OSER1: variants seen among roughly 807,000 people sequenced by gnomAD.
The protein encoded by OSER1 is oxidative stress responsive serine rich 1.
OSER1 carries 15 observed loss-of-function variants against 26.3 expected under a neutral mutation model. The observed-to-expected ratio is 0.57, with a 90% CI of 0.38 to 0.88. OSER1 has a LOEUF of 0.88. Among genes scored for constraint, OSER1 ranks in the 40% least tolerant of loss-of-function variants. OSER1 has a pLI of 0.00. For missense variants in OSER1, 313 were observed against 353.9 expected, an observed-to-expected ratio of 0.88 and a Z score of 0.93; for synonymous variants, 127 against 128.2, an observed-to-expected ratio of 0.99 and a Z score of 0.07.
At chr20:44,203,707 C>CACAA (rs2073009370) in intron 2 of OSER1, among the ~76,000 whole-genome samples, 4 of 150,578 alleles carry the variant, frequency 2.7e-5, no homozygotes, top group Non-Finnish European at 5.9e-5. Flanking sequence ...CACACACACA[C>CACAA]ACACACACAC....
At chr20:44,201,692 A>C (rs997550380) in intron 3 of OSER1, among the ~76,000 whole-genome samples, 1 of 152,230 alleles carries the variant, frequency 6.6e-6, no homozygotes, top group Non-Finnish European at 1.5e-5. Context: ...GTTTCTAAGG[A>C]GAAGGGCTAA....
At chr20:44,204,000 A>C (rs2073014442) in intron 2 of OSER1, among the ~76,000 whole-genome samples, 1 of 152,210 alleles carries the variant, frequency 6.6e-6, no homozygotes, top group Admixed American at 6.5e-5. Context: ...ATGGTTAAAC[A>C]CCTATACATA....
chr20:44,201,480 G>T (rs2145925779), intron 3 of OSER1, among the ~76,000 whole-genome samples: 1 of 152,288 alleles, frequency 6.6e-6, no homozygotes, highest in East Asian at 1.9e-4. Context: ...CTTCACTAAA[G>T]AAACTACTTT....
chr20:44,201,048 C>T (rs1384367627), intron 3 of OSER1, among the ~76,000 whole-genome samples: 1 of 151,624 alleles, frequency 6.6e-6, no homozygotes, highest in Non-Finnish European at 1.5e-5. Flanking sequence ...TCTTCTGTAT[C>T]CACGGATTCT....
At chr20:44,210,527 G>C (rs1198866117) in intron 1 of OSER1, among the ~76,000 whole-genome samples, 169 bp downstream of exon 1, 1 of 152,176 alleles carries the variant, frequency 6.6e-6, no homozygotes, top group Non-Finnish European at 1.5e-5. Context: ...GGCACAGGCC[G>C]CGGCAGATAA....
intron 3 of OSER1, among the ~76,000 whole-genome samples, chr20:44,199,867 T>C (rs1029435187): frequency 6.6e-5 from 10 of 152,216 alleles, no homozygotes; most frequent in African/African-American, 2.4e-4. Flanking sequence ...ACATATCCCC[T>C]ATGGATAAGA....
chr20:44,203,694 T>TAACACACACA lies in OSER1; in HGVS notation c.78-621_78-620insTGTGTGTGTT, dbSNP rs1555866748. Reference sequence around the variant, plus strand: ...TGGTGGAAATCCTTCCAGACTTTTTTCACACACACACACACACACACACAC... The same window carrying TAACACACACA: ...TGGTGGAAATCCTTCCAGACTTTTTTAACACACACACACACACACACACACACACACACAC... On this transcript the variant is annotated intron_variant, in intron 2 of 3. Coordinates refer to ENST00000255174, the MANE Select transcript of OSER1 (RefSeq NM_016470.8). 8.5e-3 allele frequency among the ~76,000 whole-genome samples: 1,229 copies of TAACACACACA among 145,438 alleles called. 19 individuals are homozygous for TAACACACACA. Among genetic ancestry groups the TAACACACACA allele is most frequent in the African/African-American group, 0.022 (866 of 39,200 alleles).
intron 2 of OSER1, among the ~76,000 whole-genome samples, chr20:44,203,459 C>T (rs1027660572): frequency 1.6e-4 from 24 of 152,330 alleles, no homozygotes; most frequent in African/African-American, 5.8e-4. Flanking sequence ...TAACTTAACA[C>T]TGAATACATT....
chr20:44,203,168 A>G, intron 2 of OSER1, 94 bp from the exon 3 acceptor site: 1 of 590,116 alleles, frequency 1.7e-6, no homozygotes, highest in Non-Finnish European at 3.0e-6. Flanking sequence ...TTATCAATAC[A>G]TTTTTTTTTC....
At chr20:44,202,125 T>C (rs750265379) in intron 3 of OSER1, among the ~76,000 whole-genome samples, 2 of 152,174 alleles carry the variant, frequency 1.3e-5, no homozygotes, top group Non-Finnish European at 2.9e-5. Flanking sequence ...CCTGTAATCC[T>C]AGCACTTTGG....
chr20:44,211,746 G>C (rs761866210), upstream of OSER1, among the ~76,000 whole-genome samples: 5 of 152,172 alleles, frequency 3.3e-5, no homozygotes, highest in African/African-American at 9.7e-5. Flanking sequence ...CCATCACCAG[G>C]ACTGGTTCTG....
In OSER1 at chr20:44,196,185, G is replaced by C. The variant is rs953108044; in HGVS notation, c.*867C>G. 6.7e-6 allele frequency among the ~76,000 whole-genome samples: 1 copy of C among 150,264 alleles called. No individual in the cohort carries two copies. Among genetic ancestry groups the C allele is most frequent in the Non-Finnish European group, 1.5e-5 (1 of 67,770 alleles). Reference sequence around the variant, plus strand: ...TGGCTGACCAAATCTGTGGGATACAGAATGTACAAAATTCTCTTTTAGGGT... The same window carrying C: ...TGGCTGACCAAATCTGTGGGATACACAATGTACAAAATTCTCTTTTAGGGT... On this transcript the variant is annotated 3_prime_UTR_variant, in exon 4 of 4. Transcript: ENST00000255174.
In OSER1 at chr20:44,208,108, G is replaced by GC. The variant is rs71959463; in HGVS notation, c.-41-1111dup. Among the ~76,000 whole-genome samples the GC allele has an allele frequency of 8.8e-3, 865 of 97,858 alleles. 4 individuals carry two copies. The highest frequency in any genetic ancestry group is 0.018 in the Middle Eastern group (4 of 218). 64.2% of individuals were successfully genotyped at this position (97,858 alleles called of 152,430 possible). A position where few individuals can be genotyped will look rare whatever the true frequency, so the allele number is the denominator to read the frequency against. On this transcript the variant is annotated intron_variant, in intron 1 of 3. Coordinates refer to ENST00000255174, the MANE Select transcript of OSER1 (RefSeq NM_016470.8). ...CCTCTTTATTTCTAAGCCTTTACCC[G>GC]CCCCCCCCCGCCCCCACCCCTCTTG... is the stretch of plus-strand genomic sequence containing the variant.
intron 3 of OSER1, among the ~76,000 whole-genome samples, chr20:44,201,310 A>T (rs2072979480): frequency 6.6e-6 from 1 of 152,166 alleles, no homozygotes. Flanking sequence ...TTTGGTATTG[A>T]GAGGGGCGTG....
chr20:44,204,488 T>C (rs543002392), intron 2 of OSER1, among the ~76,000 whole-genome samples: 5 of 151,700 alleles, frequency 3.3e-5, no homozygotes, highest in Non-Finnish European at 7.3e-5. Context: ...AATATAATTT[T>C]ACTCAAGGCA....
chr20:44,205,583 G>A (rs2073029458), intron 2 of OSER1, among the ~76,000 whole-genome samples: 1 of 152,138 alleles, frequency 6.6e-6, no homozygotes, highest in African/African-American at 2.4e-5. Context: ...TTTTCACTTT[G>A]TGCTAGGTAC....
In OSER1 at chr20:44,206,973, A is replaced by C; in HGVS notation, c.-16T>G. 2 of 1,591,048 alleles carry C rather than the reference A, an allele frequency of 1.3e-6. No individual in the cohort carries two copies. Among genetic ancestry groups the C allele is most frequent in the Non-Finnish European group, 1.7e-6 (2 of 1,159,886 alleles). ...CGGATTTCATTGTGCAAGTTTTTAC[A>C]CTACTTATCGATGTTCCTGTTTACA... On this transcript the variant is annotated 5_prime_UTR_variant, in exon 2 of 4. Coordinates refer to ENST00000255174, the MANE Select transcript of OSER1 (RefSeq NM_016470.8).
chr20:44,196,243 C>A lies in OSER1; in HGVS notation c.*809G>T, dbSNP rs866173146. 8.6e-4 allele frequency among the ~76,000 whole-genome samples: 128 copies of A among 148,318 alleles called. No individual in the cohort carries two copies. The highest frequency in any genetic ancestry group is 3.0e-3 in the African/African-American group (120 of 40,248). On this transcript the variant is annotated 3_prime_UTR_variant, in exon 4 of 4. Transcript: ENST00000255174. Reference sequence around the variant, plus strand: ...GTGACAGGGCAGCTCAAAGAGGTAACCATCTATAACATCTGAAACTGAGGT... The same window carrying A: ...GTGACAGGGCAGCTCAAAGAGGTAAACATCTATAACATCTGAAACTGAGGT...
chr20:44,196,989 CA>C lies in OSER1; in HGVS notation c.*62del. The C allele has an allele frequency of 8.4e-7, 1 of 1,195,600 alleles. No individual in the cohort carries two copies. Among genetic ancestry groups the C allele is most frequent in the Non-Finnish European group, 1.2e-6 (1 of 819,060 alleles). 74.1% of individuals were successfully genotyped at this position (1,195,600 alleles called of 1,614,324 possible). ...CACACAAAGTGGCCACAAGGTCTGC[CA>C]TTAACTAAATCTCTTTGACAAGCCT... On this transcript the variant is annotated 3_prime_UTR_variant, in exon 4 of 4. Transcript: ENST00000255174.
Sources: gnomAD v4.1 joint callset for allele counts (sites outside exome capture counted in the v4.1 genomes callset) on GRCh38, gnomAD v4.1.1 for gene constraint, MANE v1.5 for transcripts, NCBI Gene and HGNC (gene_info 2026-07-23, HGNC 2026-07-21) for gene names.